SPOPL: variants seen among roughly 807,000 people sequenced by gnomAD.
The protein encoded by SPOPL is speckle type BTB/POZ protein like.
In SPOPL, 23 loss-of-function variants were observed where a neutral mutation model predicts 53.8. The ratio of observed to expected loss-of-function variants is 0.43; its 90% CI spans 0.31 to 0.61. The LOEUF (loss-of-function observed/expected upper bound fraction) is 0.61. Ranked by LOEUF, SPOPL falls within the 20% of genes least tolerant of loss-of-function variation. SPOPL has a pLI of 0.12. For missense variants in SPOPL, 442 were observed against 466.9 expected, an observed-to-expected ratio of 0.95 and a Z score of 0.49; for synonymous variants, 164 against 149.7, an observed-to-expected ratio of 1.10 and a Z score of -0.70.
intron 1 of SPOPL, among the ~76,000 whole-genome samples, chr2:138,529,107 A>G (rs1684743971): frequency 6.6e-6 from 1 of 152,230 alleles, no homozygotes; most frequent in Admixed American, 6.5e-5. Context: ...TTATAAAACA[A>G]ATTTCAAAAT....
At chr2:138,523,888 C>T (rs534854088) in intron 1 of SPOPL, among the ~76,000 whole-genome samples, 10 of 152,220 alleles carry the variant, frequency 6.6e-5, no homozygotes, top group African/African-American at 2.2e-4. Flanking sequence ...GTTTTCCAGG[C>T]GCACGGTACA....
chr2:138,536,120 C>A (rs1432049065), intron 1 of SPOPL, among the ~76,000 whole-genome samples: 1 of 152,102 alleles, frequency 6.6e-6, no homozygotes, highest in Non-Finnish European at 1.5e-5. Context: ...TCTGTTAAAT[C>A]CAACATGTAA....
intron 4 of SPOPL, 53 bp downstream of exon 4, chr2:138,551,107 A>G (rs748318645): frequency 6.3e-7 from 1 of 1,592,492 alleles, no homozygotes. Context: ...ACATATTATG[A>G]CTTCTTCTGC....
chr2:138,548,096 CT>C (rs1685236736), intron 1 of SPOPL, among the ~76,000 whole-genome samples: 1 of 152,092 alleles, frequency 6.6e-6, no homozygotes, highest in East Asian at 1.9e-4. Flanking sequence ...ATAGCAAAGC[CT>C]TATCCCCAGT....
rs189846010 is a variant in SPOPL, at chr2:138,504,408, C to A, written c.-61+2289C>A. Among the ~76,000 whole-genome samples, 10 of 152,226 alleles carry A rather than the reference C, an allele frequency of 6.6e-5. No individual in the cohort carries two copies. In the East Asian group the frequency reaches 1.5e-3, roughly 23 times the overall value. ...TAATGTCTATATCTGCATTTTTGGC[C>A]ATGAATTTATATAAACAGGGCAGGT... On this transcript the variant is annotated intron_variant, in intron 1 of 10. Transcript: ENST00000280098.
At chr2:138,563,610 G>A (rs916101510) in intron 8 of SPOPL, among the ~76,000 whole-genome samples, 7 of 152,180 alleles carry the variant, frequency 4.6e-5, no homozygotes, top group Non-Finnish European at 8.8e-5. Context: ...TCAAGGATGT[G>A]GAAGAATAGA....
At chr2:138,567,675 A>G (rs1272198951) in intron 10 of SPOPL, among the ~76,000 whole-genome samples, 1 of 152,152 alleles carries the variant, frequency 6.6e-6, no homozygotes, top group Admixed American at 6.6e-5. Context: ...AACAAGGTTG[A>G]ATACAGGTAG....
rs1425691741 is a variant in SPOPL, at chr2:138,550,634, T to A, written c.200+30T>A. ...GATTTTTGTTTGCTTTGAATTTTTG[T>A]TTTTTGTTTTTGATGTGATCATCAG... On this transcript the variant is annotated intron_variant, in intron 3 of 10. Coordinates refer to ENST00000280098, the MANE Select transcript of SPOPL (RefSeq NM_001001664.3). 6.3e-6 allele frequency: 10 copies of A among 1,580,754 alleles called. No homozygotes were observed. In the Admixed American group the frequency reaches 1.1e-4, roughly 17 times the overall value.
chr2:138,535,555 C>CTTTT (rs539254466), intron 1 of SPOPL, among the ~76,000 whole-genome samples: 2 of 86,950 alleles, frequency 2.3e-5, no homozygotes, highest in African/African-American at 9.4e-5. Flanking sequence ...ATTCTAGTAG[C>CTTTT]TTTTTTTTTT....
chr2:138,515,818 A>G (rs1045521063), intron 1 of SPOPL, among the ~76,000 whole-genome samples: 2 of 152,164 alleles, frequency 1.3e-5, no homozygotes, highest in South Asian at 4.1e-4. Context: ...CTAACTTTTT[A>G]CAGCTATTAT....
chr2:138,555,085 G>C (rs1010622860), intron 5 of SPOPL, among the ~76,000 whole-genome samples: 1 of 151,730 alleles, frequency 6.6e-6, no homozygotes, highest in Non-Finnish European at 1.5e-5. Flanking sequence ...GTGAGAAAGA[G>C]ACAGAAGAGG....
Position 138,544,351 on chromosome 2 carries a change from C to G in SPOPL, c.-60-5806C>G, listed in dbSNP as rs115223151. 4.8e-3 allele frequency among the ~76,000 whole-genome samples: 728 copies of G among 152,330 alleles called. 3 individuals are homozygous for G. Among genetic ancestry groups the G allele is most frequent in the African/African-American group, 0.015 (631 of 41,588 alleles). ...CACAGGTGGAGTCTACAGAGGCAAA[C>G]AGGCCTCCTTGAGCTGCGGTGGGCT... On this transcript the variant is annotated intron_variant, in intron 1 of 10. Coordinates refer to ENST00000280098, the MANE Select transcript of SPOPL (RefSeq NM_001001664.3).
chr2:138,570,541 A>G lies in SPOPL; in HGVS notation c.*1461A>G, dbSNP rs1417708709. On this transcript the variant is annotated 3_prime_UTR_variant, in exon 11 of 11. Coordinates refer to ENST00000280098, the MANE Select transcript of SPOPL (RefSeq NM_001001664.3). ...AGTGTTGGGGTACCACATCTGACTT[A>G]CTGTGGTGGTGACCAGTGTGCTTCT... The G allele has an allele frequency of 6.6e-6, 1 of 152,160 alleles. No individual in the cohort carries two copies. The highest frequency in any genetic ancestry group is 1.5e-5 in the Non-Finnish European group (1 of 68,016). The allele number at this position is 152,160 out of a possible 1,614,324, so 9.4% of individuals were successfully genotyped here. A position where few individuals can be genotyped will look rare whatever the true frequency, so the allele number is the denominator to read the frequency against.
rs1292423737 is a variant in SPOPL, at chr2:138,564,983, T to G, written c.1024T>G (p.Trp342Gly). The G allele has an allele frequency of 1.2e-6, 2 of 1,614,094 alleles. No individual in the cohort carries two copies. Among genetic ancestry groups the G allele is most frequent in the East Asian group, 2.2e-5 (1 of 44,864 alleles). ...RQLGCKDGKNWNSNQATDIME... is the reference protein window; with the variant it reads ...RQLGCKDGKNGNSNQATDIME... ...ACTTGGGTGTAAAGATGGGAAAAAC[T>G]GGAACAGCAAGTAAGATGACATCAG... Residue 342 changes from tryptophan (W) to glycine (G), a missense_variant, in exon 10 of 11, where the codon TGG (tryptophan) becomes GGG (glycine). Transcript: ENST00000280098.
Position 138,538,708 on chromosome 2 carries a change from A to G in SPOPL, c.-60-11449A>G, listed in dbSNP as rs141814306. ...GTCTTCACTTCCTGTTGGCTCAGCA[A>G]TGTCAGCCAGCTTAGGACCTTCTTA... is the stretch of plus-strand genomic sequence containing the variant. On this transcript the variant is annotated intron_variant, in intron 1 of 10. Transcript: ENST00000280098. Among the ~76,000 whole-genome samples the G allele has an allele frequency of 3.3e-5, 5 of 151,110 alleles. No homozygotes were observed. In the East Asian group the frequency reaches 5.8e-4, roughly 18 times the overall value.
At chr2:138,543,700 G>A (rs1173878955) in intron 1 of SPOPL, among the ~76,000 whole-genome samples, 1 of 152,052 alleles carries the variant, frequency 6.6e-6, no homozygotes, top group African/African-American at 2.4e-5. Context: ...TTAGCTTGGA[G>A]TAGTTTGATC....
chr2:138,568,418 G>A (rs756041185), intron 10 of SPOPL, among the ~76,000 whole-genome samples: 4 of 152,084 alleles, frequency 2.6e-5, no homozygotes, highest in African/African-American at 7.2e-5. Context: ...CTGAATTTAT[G>A]GGTCTTGAGG....
intron 1 of SPOPL, among the ~76,000 whole-genome samples, chr2:138,525,236 G>A (rs769845927): frequency 5.9e-5 from 9 of 152,208 alleles, no homozygotes; most frequent in Middle Eastern, 3.4e-3. Context: ...GGAAAGTCCC[G>A]TTTTTAAAAC....
chr2:138,550,024 C>T lies in SPOPL; in HGVS notation c.-60-133C>T, dbSNP rs552693988. 165 of 490,702 alleles carry T rather than the reference C, an allele frequency of 3.4e-4. 1 individual carries two copies. The highest frequency in any genetic ancestry group is 2.9e-3 in the African/African-American group (152 of 52,708). 30.4% of individuals were successfully genotyped at this position (490,702 alleles called of 1,614,324 possible). On this transcript the variant is annotated intron_variant, in intron 1 of 10. Transcript: ENST00000280098. ...TACTTCTTAAAATCATTAAATTTAT[C>T]TAAAATTCTCACATGTTCCTTCATA...
Sources: gnomAD v4.1 joint callset for allele counts (sites outside exome capture counted in the v4.1 genomes callset) on GRCh38, gnomAD v4.1.1 for gene constraint, MANE v1.5 for transcripts, NCBI Gene and HGNC (gene_info 2026-07-23, HGNC 2026-07-21) for gene names.